FARS2: variants seen among roughly 807,000 people sequenced by gnomAD.
FARS2 encodes the protein phenylalanyl-tRNA synthetase 2, mitochondrial, also known as phenylalanine--tRNA ligase, mitochondrial.
A neutral mutation model predicts 46.4 loss-of-function variants in FARS2; 40 were observed. The ratio of observed to expected loss-of-function variants is 0.86; its 90% CI spans 0.67 to 1.12. The LOEUF is 1.12. Ranked by LOEUF, FARS2 falls within the 50% of genes most tolerant of loss-of-function variation. The probability of loss-of-function intolerance (pLI) is 0.00; values close to 1 mark genes in which losing one functional copy is unlikely to be tolerated. For synonymous variants in FARS2, 234 were observed against 214.9 expected (o/e 1.09, Z -0.78); for missense variants, 513 against 567.9 (o/e 0.90, Z 0.98).
At chr6:5,409,919 C>T (rs11751802) in intron 3 of FARS2, among the ~76,000 whole-genome samples, 34,912 of 151,930 alleles carry the variant, frequency 0.23, 4,285 homozygotes, top group Middle Eastern at 0.29. Flanking sequence ...CCGTGTTTGC[C>T]GTGTTTGTGA....
At chr6:5,319,327 G>GT (rs1769799316) in intron 1 of FARS2, among the ~76,000 whole-genome samples, 1 of 152,196 alleles carries the variant, frequency 6.6e-6, no homozygotes, top group African/African-American at 2.4e-5. Context: ...AAATGATGGA[G>GT]TTTAACTGGT....
chr6:5,350,050 C>A (rs1481855252), intron 1 of FARS2, among the ~76,000 whole-genome samples: 3 of 152,106 alleles, frequency 2.0e-5, no homozygotes, highest in Non-Finnish European at 4.4e-5. Context: ...TCTTCCCCCA[C>A]CCCTTTCTTT....
At chr6:5,482,721 G>A (rs537780027) in intron 4 of FARS2, among the ~76,000 whole-genome samples, 7 of 152,294 alleles carry the variant, frequency 4.6e-5, no homozygotes, top group African/African-American at 1.7e-4. Context: ...AAAAACCTCA[G>A]CTCAGTTGAC....
chr6:5,401,441 G>T (rs1412915807), intron 2 of FARS2, among the ~76,000 whole-genome samples: 1 of 152,004 alleles, frequency 6.6e-6, no homozygotes. Flanking sequence ...CCTCTTTGCT[G>T]CTTTCTTCCA....
intron 4 of FARS2, among the ~76,000 whole-genome samples, chr6:5,473,404 G>A (rs896913297): frequency 6.6e-6 from 1 of 152,028 alleles, no homozygotes; most frequent in African/African-American, 2.4e-5. Context: ...GCGTGTGCCT[G>A]TAGTCCCCGC....
In FARS2 at chr6:5,471,545, A is replaced by G. The variant is rs1416347075; in HGVS notation, c.904+40373A>G. On this transcript the variant is annotated intron_variant, in intron 4 of 6. Coordinates refer to ENST00000274680, the MANE Select transcript of FARS2 (RefSeq NM_006567.5). This position sits in a 1 kb window ranked among gnomAD's most constrained non-coding sequence, Gnocchi z 4.1. ...AAGTAAATGTTACCAGCAACACTGTACCACCTATTTTAAAATTAATCCCTT... is the reference window on the plus strand; with the variant it reads ...AAGTAAATGTTACCAGCAACACTGTGCCACCTATTTTAAAATTAATCCCTT... 6.6e-6 allele frequency among the ~76,000 whole-genome samples: 1 copy of G among 152,240 alleles called. No individual in the cohort carries two copies. Among genetic ancestry groups the G allele is most frequent in the Non-Finnish European group, 1.5e-5 (1 of 68,048 alleles).
intron 4 of FARS2, among the ~76,000 whole-genome samples, chr6:5,435,631 G>A (rs1051120460): frequency 1.3e-5 from 2 of 152,034 alleles, no homozygotes; most frequent in African/African-American, 4.8e-5. Flanking sequence ...ACTGAGTCAC[G>A]TCCCCAAATA....
chr6:5,587,494 C>G (rs1476781297), intron 5 of FARS2, among the ~76,000 whole-genome samples: 1 of 152,168 alleles, frequency 6.6e-6, no homozygotes, highest in African/African-American at 2.4e-5. Context: ...CCCATAATTA[C>G]AAGTTTTCAT....
upstream of FARS2, among the ~76,000 whole-genome samples, chr6:5,258,197 C>A (rs549109834): frequency 6.6e-6 from 1 of 152,276 alleles, no homozygotes; most frequent in South Asian, 2.1e-4. Flanking sequence ...GCAGACAGGG[C>A]TCCTGCTATC....
chr6:5,643,173 C>T (rs778826672), intron 6 of FARS2, among the ~76,000 whole-genome samples: 3 of 152,194 alleles, frequency 2.0e-5, no homozygotes, highest in African/African-American at 4.8e-5. Context: ...TGTCTTCACA[C>T]GCACAAATTT....
intron 6 of FARS2, among the ~76,000 whole-genome samples, chr6:5,651,050 A>G (rs1561777766): frequency 1.3e-5 from 2 of 152,238 alleles, no homozygotes; most frequent in South Asian, 2.1e-4. Context: ...TTGCCTCTCA[A>G]TACAGTAATA....
intron 5 of FARS2, among the ~76,000 whole-genome samples, chr6:5,596,302 G>A (rs550695121): frequency 1.1e-4 from 17 of 152,256 alleles, no homozygotes; most frequent in South Asian, 4.1e-4. Context: ...CTCATTAACC[G>A]TGCACCCCTG....
At chr6:5,296,347 T>G (rs548277663) in intron 1 of FARS2, among the ~76,000 whole-genome samples, 20 of 152,050 alleles carry the variant, frequency 1.3e-4, no homozygotes, top group African/African-American at 4.6e-4. Context: ...TTCACTGTGT[T>G]AGCCAGGATG....
chr6:5,358,190 A>T lies in FARS2; in HGVS notation c.-21-10360A>T, dbSNP rs544016903. 3.3e-5 allele frequency among the ~76,000 whole-genome samples: 5 copies of T among 152,304 alleles called. No individual in the cohort carries two copies. The East Asian group carries it at 5.8e-4, about 18-fold the overall frequency. On this transcript the variant is annotated intron_variant, in intron 1 of 6. Transcript: ENST00000274680. ...AATATGTGGTTTAGAGAGTTGATTT[A>T]AAAAAATTTTTAATTTTACTTGCCA...
intron 6 of FARS2, among the ~76,000 whole-genome samples, chr6:5,676,209 G>A (rs1372304224): frequency 6.6e-6 from 1 of 152,162 alleles, no homozygotes; most frequent in South Asian, 2.1e-4. Flanking sequence ...CAGTCCTAAA[G>A]GAAACACACT....
chr6:5,621,713 T>C (rs992434107), intron 6 of FARS2, among the ~76,000 whole-genome samples: 2 of 152,198 alleles, frequency 1.3e-5, no homozygotes, highest in Non-Finnish European at 2.9e-5. Context: ...CTACCTGTCA[T>C]AGAAACTCAG....
intron 5 of FARS2, among the ~76,000 whole-genome samples, chr6:5,554,750 G>A (rs76698272): frequency 0.038 from 5,852 of 152,194 alleles, 143 homozygotes; most frequent in South Asian, 0.088. Flanking sequence ...GAGGCTTAGC[G>A]TCAGCAAGTA....
intron 1 of FARS2, among the ~76,000 whole-genome samples, chr6:5,330,926 T>TA (rs1770755235): frequency 6.6e-6 from 1 of 151,862 alleles, no homozygotes; most frequent in African/African-American, 2.4e-5. Context: ...GGCAACATGG[T>TA]AAAACCCCAT....
At chr6:5,456,628 G>A (rs1158520250) in intron 4 of FARS2, among the ~76,000 whole-genome samples, 1 of 150,924 alleles carries the variant, frequency 6.6e-6, no homozygotes, top group Admixed American at 6.6e-5. Context: ...AGCCTCATGA[G>A]GCTGAGGCAG....
Sources: allele counts gnomAD v4.1 joint callset (sites outside exome capture counted in the v4.1 genomes callset), GRCh38; gene constraint gnomAD v4.1.1; non-coding constraint Gnocchi (gnomAD v3.1); transcripts MANE v1.5; gene names NCBI Gene and HGNC (gene_info 2026-07-23, HGNC 2026-07-21).